RNF128: variants seen among roughly 807,000 people sequenced by gnomAD.
RNF128 encodes the protein ring finger protein 128, also known as E3 ubiquitin-protein ligase RNF128.
In RNF128, 13 loss-of-function variants were observed where a neutral mutation model predicts 26.2. The observed-to-expected ratio is 0.50, with a 90% CI of 0.32 to 0.79. The LOEUF is 0.79. Among genes scored for constraint, RNF128 ranks in the 30% least tolerant of loss-of-function variants. The pLI is 0.03. For synonymous variants in RNF128, 149 were observed against 142.5 expected (o/e 1.05, Z -0.32); for missense variants, 315 against 349.7 (o/e 0.90, Z 0.79).
chrX:106,766,296 C>T (rs1021820364), intron 1 of RNF128, among the ~76,000 whole-genome samples: 3 of 112,106 alleles, frequency 2.7e-5, no homozygotes, highest in Admixed American at 9.5e-5. Flanking sequence ...GCCACACTGT[C>T]TTCCACAATG....
At chrX:106,700,042 A>G (rs1375815905) in intron 1 of RNF128, among the ~76,000 whole-genome samples, 26 of 92,095 alleles carry the variant, frequency 2.8e-4, no homozygotes, top group African/African-American at 1.1e-3. Flanking sequence ...TTTTTTTTTG[A>G]TACGGGTCTT....
chrX:106,718,718 C>G (rs1374655665), intron 1 of RNF128, among the ~76,000 whole-genome samples: 1 of 111,595 alleles, frequency 9.0e-6, no homozygotes, highest in East Asian at 2.8e-4. Context: ...ATTTTTGTAG[C>G]TATAAAATAC....
At chrX:106,697,461 T>C (rs1603075825) in intron 1 of RNF128, among the ~76,000 whole-genome samples, 1 of 111,866 alleles carries the variant, frequency 8.9e-6, no homozygotes, top group East Asian at 2.8e-4. Flanking sequence ...AGTGCCAGGC[T>C]AGGTCCTAAA....
intron 1 of RNF128, among the ~76,000 whole-genome samples, chrX:106,771,530 C>T (rs773041789): frequency 1.8e-5 from 2 of 112,971 alleles, no homozygotes; most frequent in East Asian, 5.6e-4. Flanking sequence ...AGCGAGGCTC[C>T]ATGGGCATGG....
At chrX:106,741,806 A>G (rs1929706652) in intron 1 of RNF128, among the ~76,000 whole-genome samples, 1 of 111,970 alleles carries the variant, frequency 8.9e-6, no homozygotes. Context: ...TGCTATAGAT[A>G]CAGTGATGAA....
intron 1 of RNF128, among the ~76,000 whole-genome samples, chrX:106,737,388 A>G (rs182590858): frequency 9.0e-6 from 1 of 111,037 alleles, no homozygotes; most frequent in East Asian, 2.8e-4. Flanking sequence ...CGCATATACT[A>G]AAATCCACAG....
chrX:106,755,400 C>A (rs1929985270), intron 1 of RNF128, among the ~76,000 whole-genome samples: 1 of 110,856 alleles, frequency 9.0e-6, no homozygotes, highest in Admixed American at 9.6e-5. Flanking sequence ...TACTTCCAGA[C>A]TCATTCTATG....
chrX:106,788,486 TTATAATTATAATTA>T (rs1475738233), intron 4 of RNF128, among the ~76,000 whole-genome samples: 1 of 53,726 alleles, frequency 1.9e-5, no homozygotes, highest in Non-Finnish European at 3.0e-5. Context: ...TAATTATATA[TTATAATTATAATTA>T]TATAATTATA....
chrX:106,787,703 C>A (rs143699397), intron 3 of RNF128, among the ~76,000 whole-genome samples: 4 of 110,703 alleles, frequency 3.6e-5, no homozygotes, highest in Non-Finnish European at 3.8e-5. Flanking sequence ...TTGTTCTGTT[C>A]CCCTTTTGTT....
intron 1 of RNF128, among the ~76,000 whole-genome samples, chrX:106,755,141 T>C (rs935543416): frequency 1.8e-5 from 2 of 111,698 alleles, no homozygotes; most frequent in African/African-American, 6.5e-5. Context: ...TATACGCCAA[T>C]AAATTGGAAA....
intron 1 of RNF128, among the ~76,000 whole-genome samples, chrX:106,704,077 A>G (rs1285810366): frequency 3.6e-5 from 4 of 109,722 alleles, no homozygotes; most frequent in African/African-American, 1.3e-4. Context: ...GCAGAGAGGA[A>G]GGTAATAGAG....
At chrX:106,792,946 C>T (rs952027110) in intron 6 of RNF128, among the ~76,000 whole-genome samples, 1 of 112,029 alleles carries the variant, frequency 8.9e-6, no homozygotes, top group Non-Finnish European at 1.9e-5. Flanking sequence ...GTTTAAGAAT[C>T]TTGCGTATTA....
At chrX:106,785,260 A>T (rs1930635178) in intron 3 of RNF128, 124 bp downstream of exon 3, 1 of 510,686 alleles carries the variant, frequency 2.0e-6, no homozygotes, top group Admixed American at 4.0e-5. Flanking sequence ...CTTTATATGC[A>T]TTTGATTCTA....
Position 106,785,109 on chromosome X carries a change from A to G in RNF128, c.777A>G (p.Gln259=), listed in dbSNP as rs778310805. ...ADAKKAIGRL[Q]LRTLKQGDKE... ...CTAAAAAAGCTATTGGAAGGCTTCA[A>G]CTACGCACACTGAAACAAGGAGACA... is the stretch of plus-strand genomic sequence containing the variant. Residue 259 remains glutamine (Q), a synonymous_variant, in exon 3 of 7, where the codon CAA becomes CAG. Coordinates refer to ENST00000255499, the MANE Select transcript of RNF128 (RefSeq NM_194463.2). 3 of 1,186,703 alleles carry G rather than the reference A, an allele frequency of 2.5e-6. No individual in the cohort carries two copies. Among genetic ancestry groups the G allele is most frequent in the South Asian group, 3.8e-5 (2 of 52,590 alleles).
chrX:106,745,468 T>C (rs150273244), intron 1 of RNF128, among the ~76,000 whole-genome samples: 327 of 111,861 alleles, frequency 2.9e-3, no homozygotes, highest in African/African-American at 0.01. Context: ...TTCATTTGTG[T>C]GGCTATAAAG....
At chrX:106,779,800 C>T (rs1186859389) in intron 2 of RNF128, among the ~76,000 whole-genome samples, 1 of 110,883 alleles carries the variant, frequency 9.0e-6, no homozygotes, top group Non-Finnish European at 1.9e-5. Context: ...GCCTGCACCT[C>T]CTCTTACCTG....
At position 106,766,113 on chromosome X, in the gene RNF128, T is replaced by C. The variant is rs752695942; in HGVS notation, c.485-6800T>C. On this transcript the variant is annotated intron_variant, in intron 1 of 6. Transcript: ENST00000255499. The stretch of plus-strand genomic sequence containing the variant: ...GCCAAATTTTCTTAATCCAGTCTAT[T>C]ATTGAAGGACATTTGGGTTGGTTCC... 1.3e-4 allele frequency among the ~76,000 whole-genome samples: 14 copies of C among 111,939 alleles called. No individual in the cohort carries two copies. The South Asian group carries it at 5.3e-3, about 43-fold the overall frequency.
At chrX:106,748,907 T>G in intron 1 of RNF128, among the ~76,000 whole-genome samples, 1 of 111,950 alleles carries the variant, frequency 8.9e-6, no homozygotes, top group African/African-American at 3.2e-5. Context: ...GAAAAATAAA[T>G]ATTTGAGATG....
chrX:106,737,623 A>G (rs1388793128), intron 1 of RNF128, among the ~76,000 whole-genome samples: 1 of 111,444 alleles, frequency 9.0e-6, no homozygotes, highest in Non-Finnish European at 1.9e-5. Flanking sequence ...ATCCTTGGTT[A>G]GTTGACTCCA....
Sources: allele counts gnomAD v4.1 joint callset (sites outside exome capture counted in the v4.1 genomes callset), GRCh38; gene constraint gnomAD v4.1.1; transcripts MANE v1.5; gene names NCBI Gene and HGNC (gene_info 2026-07-23, HGNC 2026-07-21).